Variants in GRM5 observed in about 807,000 individuals in gnomAD.
GRM5 encodes metabotropic glutamate receptor 5.
In GRM5, 19 loss-of-function variants were observed where a neutral mutation model predicts 83.1. The ratio of observed to expected loss-of-function variants is 0.23; its 90% CI spans 0.16 to 0.34. The LOEUF is 0.34. Among genes scored for constraint, GRM5 ranks in the 10% least tolerant of loss-of-function variants. The probability of loss-of-function intolerance (pLI) is 1.00; values close to 1 mark genes in which losing one functional copy is unlikely to be tolerated. For synonymous variants in GRM5, 675 were observed against 633.6 expected (o/e 1.07, Z -0.98); for missense variants, 1,160 against 1,588.3 (o/e 0.73, Z 4.58).
chr11:89,059,734 C>T (rs1941948547), intron 1 of GRM5, among the ~76,000 whole-genome samples: 2 of 152,186 alleles, frequency 1.3e-5, no homozygotes, highest in East Asian at 1.9e-4. Flanking sequence ...AGTTTGCACT[C>T]TGTTCACTAT....
rs550529945 is a variant in GRM5, at chr11:88,604,371, T to C, written c.1394+347A>G. 1.2e-3 allele frequency among the ~76,000 whole-genome samples: 176 copies of C among 152,320 alleles called. 1 individual carries two copies. The Middle Eastern group carries it at 0.014, about 12-fold the overall frequency. Reference sequence around the variant, plus strand: ...TTCCTATTTCAGAATAGTTCTATTATGCAAGAAAATATCTGAATATGGGGA... The same window carrying C: ...TTCCTATTTCAGAATAGTTCTATTACGCAAGAAAATATCTGAATATGGGGA... On this transcript the variant is annotated intron_variant, in intron 5 of 9. Transcript: ENST00000305447.
intron 4 of GRM5, among the ~76,000 whole-genome samples, chr11:88,609,829 T>G (rs1938265702): frequency 6.6e-6 from 1 of 152,204 alleles, no homozygotes; most frequent in Non-Finnish European, 1.5e-5. Context: ...CAGAATGGTA[T>G]TTCTTAGGAT....
chr11:88,857,364 G>A (rs976085381), intron 2 of GRM5, among the ~76,000 whole-genome samples: 5 of 152,058 alleles, frequency 3.3e-5, no homozygotes, highest in South Asian at 2.1e-4. Context: ...TCTCATGTGA[G>A]TTGTGACATT....
At chr11:88,876,207 T>C (rs1944850228) in intron 2 of GRM5, among the ~76,000 whole-genome samples, 1 of 152,130 alleles carries the variant, frequency 6.6e-6, no homozygotes, top group Admixed American at 6.6e-5. Context: ...ACAATAGTAT[T>C]TGCTACTTTA....
At chr11:89,012,271 T>C (rs10830200) in intron 2 of GRM5, among the ~76,000 whole-genome samples, 72,555 of 151,982 alleles carry the variant, frequency 0.48, 17,890 homozygotes, top group South Asian at 0.65. Flanking sequence ...AAAATGTATC[T>C]GCATATAATA....
chr11:88,625,218 C>T (rs1258999979), intron 4 of GRM5, among the ~76,000 whole-genome samples: 2 of 152,134 alleles, frequency 1.3e-5, no homozygotes, highest in East Asian at 3.9e-4. Context: ...GCCAGGATTT[C>T]TACCTCACTC....
At chr11:88,585,657 G>A (rs1296140697) in intron 7 of GRM5, among the ~76,000 whole-genome samples, 1 of 152,070 alleles carries the variant, frequency 6.6e-6, no homozygotes, top group Non-Finnish European at 1.5e-5. Flanking sequence ...CATTGAAGAG[G>A]CAATTTTAAA....
Position 88,541,874 on chromosome 11 carries a change from G to T in GRM5, c.2631-16470C>A, listed in dbSNP as rs566285017. ...CTGTAATCCCCATGTGTGGAGGAAG[G>T]GAGGTGATTGGATCGTGAGGGGGAG... On this transcript the variant is annotated intron_variant, in intron 8 of 9. Transcript: ENST00000305447. Among the ~76,000 whole-genome samples the T allele has an allele frequency of 2.6e-5, 4 of 152,342 alleles. No individual in the cohort carries two copies. The East Asian group carries it at 7.7e-4, about 29-fold the overall frequency.
At chr11:88,865,818 A>C (rs1944653107) in intron 2 of GRM5, among the ~76,000 whole-genome samples, 1 of 152,156 alleles carries the variant, frequency 6.6e-6, no homozygotes, top group South Asian at 2.1e-4. Flanking sequence ...ACTCATCGTC[A>C]CTGGTCGTTA....
chr11:88,815,699 T>A (rs1943663771), intron 3 of GRM5, among the ~76,000 whole-genome samples: 1 of 152,142 alleles, frequency 6.6e-6, no homozygotes, highest in Non-Finnish European at 1.5e-5. Flanking sequence ...AGCCTCTTTT[T>A]AACAACCACT....
intron 3 of GRM5, among the ~76,000 whole-genome samples, chr11:88,805,604 T>G (rs1943486034): frequency 6.6e-6 from 1 of 152,194 alleles, no homozygotes; most frequent in African/African-American, 2.4e-5. Context: ...CAAAAAGAAA[T>G]TTCAATGCAA....
chr11:88,803,064 T>C (rs1354646871), intron 3 of GRM5, among the ~76,000 whole-genome samples: 4 of 139,910 alleles, frequency 2.9e-5, no homozygotes, highest in African/African-American at 1.2e-4. Context: ...GAACATTCCA[T>C]GCTCATGGGT....
intron 3 of GRM5, among the ~76,000 whole-genome samples, chr11:88,672,520 T>C (rs1349100680): frequency 6.6e-6 from 1 of 151,896 alleles, no homozygotes; most frequent in Non-Finnish European, 1.5e-5. Context: ...AGAAAAGTTA[T>C]TTTATTTTTT....
At chr11:88,663,625 T>C (rs1939961795) in intron 3 of GRM5, among the ~76,000 whole-genome samples, 1 of 152,248 alleles carries the variant, frequency 6.6e-6, no homozygotes. Context: ...GTTTTCATGC[T>C]ATAATCCCTT....
intron 2 of GRM5, among the ~76,000 whole-genome samples, chr11:88,907,338 C>T (rs1945421729): frequency 6.6e-6 from 1 of 152,156 alleles, no homozygotes; most frequent in Non-Finnish European, 1.5e-5. Flanking sequence ...CCACAGGAGT[C>T]TCCTCCTCTT....
chr11:88,741,613 AT>A (rs897204903), intron 3 of GRM5, among the ~76,000 whole-genome samples: 46 of 152,256 alleles, frequency 3.0e-4, no homozygotes, highest in African/African-American at 9.9e-4. Context: ...CCAAGACATA[AT>A]CTATACTATA....
intron 2 of GRM5, among the ~76,000 whole-genome samples, chr11:88,997,355 G>C (rs1326117464): frequency 7.2e-6 from 1 of 139,388 alleles, no homozygotes; most frequent in Non-Finnish European, 1.6e-5. Context: ...AAAAAAGAAT[G>C]AAAGAAGAGA....
intron 3 of GRM5, among the ~76,000 whole-genome samples, chr11:88,674,856 A>C (rs1243855564): frequency 6.6e-6 from 1 of 151,960 alleles, no homozygotes; most frequent in Non-Finnish European, 1.5e-5. Flanking sequence ...TCTCTGCTTA[A>C]ACATTTAAAT....
chr11:88,899,432 G>A (rs1945283241), intron 2 of GRM5, among the ~76,000 whole-genome samples: 1 of 151,862 alleles, frequency 6.6e-6, no homozygotes, highest in Admixed American at 6.6e-5. Flanking sequence ...TAATTAGGAA[G>A]TGGATAATTC....
Sources: allele counts gnomAD v4.1 joint callset (sites outside exome capture counted in the v4.1 genomes callset), GRCh38; gene constraint gnomAD v4.1.1; transcripts MANE v1.5; gene names NCBI Gene and HGNC (gene_info 2026-07-23, HGNC 2026-07-21).